RBFOX3: variants seen among roughly 807,000 people sequenced by gnomAD.
RBFOX3 encodes RNA binding fox-1 homolog 3, also known as RNA binding protein fox-1 homolog 3.
RBFOX3 carries 17 observed loss-of-function variants against 48.7 expected under a neutral mutation model. The ratio of observed to expected loss-of-function variants is 0.35; its 90% confidence interval spans 0.24 to 0.52. RBFOX3 has a LOEUF of 0.52. Ranked by LOEUF, RBFOX3 falls within the 20% of genes least tolerant of loss-of-function variation. The probability of loss-of-function intolerance (pLI) is 0.94; values close to 1 mark genes in which losing one functional copy is unlikely to be tolerated. For missense variants in RBFOX3, 382 were observed against 497.5 expected (o/e 0.77, Z 2.21); for synonymous variants, 212 against 209.5 (o/e 1.01, Z -0.10).
chr17:79,106,141 G>A (rs1346356216), intron 6 of RBFOX3, among the ~76,000 whole-genome samples: 1 of 152,154 alleles, frequency 6.6e-6, no homozygotes, highest in Non-Finnish European at 1.5e-5. Context: ...GGGCCCGGGG[G>A]ACACAGGCCC....
chr17:79,616,353 T>C, the RBFOX3 span, among the ~76,000 whole-genome samples: 1 of 151,918 alleles, frequency 6.6e-6, no homozygotes, highest in Non-Finnish European at 1.5e-5. Context: ...CTGGCCAACA[T>C]GGCGAAACCC....
chr17:79,155,539 A>G (rs966119830), intron 4 of RBFOX3, among the ~76,000 whole-genome samples: 1 of 152,220 alleles, frequency 6.6e-6, no homozygotes, highest in East Asian at 1.9e-4. Context: ...GTATTATGAA[A>G]TGGTAATGCT....
At chr17:79,401,689 C>T (rs546785100) in intron 2 of RBFOX3, among the ~76,000 whole-genome samples, 1 of 152,356 alleles carries the variant, frequency 6.6e-6, no homozygotes, top group Admixed American at 6.5e-5. Flanking sequence ...TGAGCCTGCT[C>T]CGTGACGGGT....
intron 2 of RBFOX3, among the ~76,000 whole-genome samples, chr17:79,383,423 C>G (rs186217879): frequency 1.3e-5 from 2 of 152,276 alleles, no homozygotes. Flanking sequence ...TACCCTTCAG[C>G]ACAGAGACTT....
At chr17:79,621,871 A>G in the RBFOX3 span, among the ~76,000 whole-genome samples, 1 of 151,650 alleles carries the variant, frequency 6.6e-6, no homozygotes, top group Non-Finnish European at 1.5e-5. Context: ...AGACACACAC[A>G]TCATACAAGA....
chr17:79,287,927 G>A (rs2072337176), intron 3 of RBFOX3, among the ~76,000 whole-genome samples: 1 of 152,190 alleles, frequency 6.6e-6, no homozygotes, highest in African/African-American at 2.4e-5. Flanking sequence ...AGTGAGTGCG[G>A]CTGTGCATGG....
At chr17:79,304,283 T>C (rs1295268103) in intron 3 of RBFOX3, among the ~76,000 whole-genome samples, 1 of 151,968 alleles carries the variant, frequency 6.6e-6, no homozygotes, top group Non-Finnish European at 1.5e-5. Context: ...TATAAATATG[T>C]TCCTGAGAAT....
intron 2 of RBFOX3, among the ~76,000 whole-genome samples, chr17:79,349,321 G>A (rs1465205562): frequency 6.6e-6 from 1 of 151,962 alleles, no homozygotes; most frequent in Non-Finnish European, 1.5e-5. Context: ...GCACTCCTCT[G>A]CCCACTCAGC....
chr17:79,179,481 T>C (rs1051309399), intron 4 of RBFOX3, among the ~76,000 whole-genome samples: 2 of 151,746 alleles, frequency 1.3e-5, no homozygotes, highest in Non-Finnish European at 2.9e-5. Context: ...TCACGACGCG[T>C]CCCCCAGGAA....
chr17:79,281,437 T>G (rs2070466765), intron 3 of RBFOX3, among the ~76,000 whole-genome samples: 4 of 150,504 alleles, frequency 2.7e-5, no homozygotes. Context: ...CTTGGATGCA[T>G]GTGGTTAGCT....
chr17:79,506,716 A>T (rs2083190353), intron 1 of RBFOX3, among the ~76,000 whole-genome samples: 1 of 152,220 alleles, frequency 6.6e-6, no homozygotes, highest in Non-Finnish European at 1.5e-5. Context: ...AGCTGGGGCC[A>T]AGGTGGGCTC....
chr17:79,394,893 G>C (rs1049667742), intron 2 of RBFOX3, among the ~76,000 whole-genome samples: 1 of 152,218 alleles, frequency 6.6e-6, no homozygotes. Context: ...GCCTGGAGAC[G>C]CAACACAGGC....
intron 4 of RBFOX3, among the ~76,000 whole-genome samples, chr17:79,216,459 G>C (rs1033224522): frequency 1.2e-4 from 19 of 152,122 alleles, no homozygotes; most frequent in Non-Finnish European, 2.1e-4. Context: ...GGAGGGGTGG[G>C]GCATTGTAGG....
chr17:79,122,221 C>A, intron 4 of RBFOX3, among the ~76,000 whole-genome samples: 1 of 152,178 alleles, frequency 6.6e-6, no homozygotes, highest in South Asian at 2.1e-4. Flanking sequence ...CCACCTTGGT[C>A]GGGCCGCCAT....
chr17:79,109,701 A>G (rs947223773), intron 5 of RBFOX3, among the ~76,000 whole-genome samples: 3 of 152,098 alleles, frequency 2.0e-5, no homozygotes, highest in Admixed American at 6.5e-5. Context: ...GGTACAGGTG[A>G]CTGAGTCATC....
chr17:79,475,491 G>A lies in RBFOX3; in HGVS notation c.-175+6963C>T, dbSNP rs1464221804. On this transcript the variant is annotated intron_variant, in intron 2 of 14. Coordinates refer to ENST00000693108, the MANE Select transcript of RBFOX3 (RefSeq NM_001350451.2). ...GGCAGCCTTGGAGGATACAGTGGGT[G>A]GAATCATGTCCCCCCAAAACATGTT... Among the ~76,000 whole-genome samples, 5 of 152,236 alleles carry A rather than the reference G, an allele frequency of 3.3e-5. No homozygotes were observed. In the East Asian group the frequency reaches 7.7e-4, roughly 24 times the overall value.
At position 79,096,793 on chromosome 17, in the gene RBFOX3, C is replaced by T. The variant is rs531559898; in HGVS notation, c.796G>A (p.Ala266Thr). ...QTLVKMPVPW[A>T]GLAPCPLPPQ... ...GGGAGGGGGCACGGTGCCAGCCCCG[C>T]CCATGGGACTGGCATTTTAACAAGC... Residue 266 changes from alanine to threonine, a missense_variant, in exon 12 of 15, where the codon GCG becomes ACG. Physicochemically the swap from Ala to Thr is moderately conservative, Grantham distance 58. Around this residue, in one of 3 missense-constraint regions of RBFOX3, gnomAD observed 215 missense variants for 254.8 expected, o/e 0.84. Coordinates refer to ENST00000693108, the MANE Select transcript of RBFOX3 (RefSeq NM_001350451.2). The T allele has an allele frequency of 9.8e-7, 1 of 1,019,286 alleles. No homozygotes were observed. Among genetic ancestry groups the T allele is most frequent in the Non-Finnish European group, 1.5e-6 (1 of 662,594 alleles). The allele number at this position is 1,019,286 out of a possible 1,614,324, so 63.1% of individuals were successfully genotyped here.
intron 4 of RBFOX3, among the ~76,000 whole-genome samples, chr17:79,169,606 C>T (rs936587358): frequency 3.3e-5 from 5 of 152,194 alleles, no homozygotes; most frequent in African/African-American, 7.2e-5. Context: ...GAGGCGGCAC[C>T]GAGGGCCCCA....
chr17:79,120,848 T>C (rs907048646), intron 4 of RBFOX3, among the ~76,000 whole-genome samples: 2 of 152,038 alleles, frequency 1.3e-5, no homozygotes, highest in African/African-American at 4.8e-5. Context: ...CCCTCTTCTA[T>C]CATCACTTGT....
Sources: allele counts gnomAD v4.1 joint callset (sites outside exome capture counted in the v4.1 genomes callset), GRCh38; gene constraint gnomAD v4.1.1; regional missense constraint gnomAD v4.1.1; transcripts MANE v1.5; gene names NCBI Gene and HGNC (gene_info 2026-07-23, HGNC 2026-07-21).